Variants in TBC1D5 observed in about 807,000 individuals in gnomAD.
The protein encoded by TBC1D5 is TBC1 domain family member 5.
TBC1D5 carries 75 observed loss-of-function variants against 100.3 expected under a neutral mutation model. The observed-to-expected ratio is 0.75, with a 90% CI of 0.62 to 0.91. The LOEUF is 0.91. Among genes scored for constraint, TBC1D5 ranks in the 40% least tolerant of loss-of-function variants. The pLI, the probability that TBC1D5 is intolerant of heterozygous loss-of-function variation, is 0.00. For synonymous variants in TBC1D5, 323 were observed against 325.6 expected (o/e 0.99, Z 0.09); for missense variants, 910 against 942.4 (o/e 0.97, Z 0.45).
At chr3:17,409,209 T>A (rs532353642) in intron 4 of TBC1D5, among the ~76,000 whole-genome samples, 1 of 152,332 alleles carries the variant, frequency 6.6e-6, no homozygotes, top group South Asian at 2.1e-4. Flanking sequence ...CATATTTTGA[T>A]AATCTTCACA....
At chr3:17,215,688 G>A (rs1166001266) in intron 17 of TBC1D5, among the ~76,000 whole-genome samples, 2 of 152,048 alleles carry the variant, frequency 1.3e-5, no homozygotes, top group Non-Finnish European at 2.9e-5. Flanking sequence ...AAAGGATTTA[G>A]GACCACAGAT....
At chr3:17,680,962 C>A (rs955447605) in intron 1 of TBC1D5, among the ~76,000 whole-genome samples, 1 of 151,446 alleles carries the variant, frequency 6.6e-6, no homozygotes, top group Non-Finnish European at 1.5e-5. Flanking sequence ...ACCTTGATTG[C>A]TCTACTAAAA....
intron 5 of TBC1D5, 83 bp from the exon 6 acceptor site, chr3:17,405,044 T>C (rs937376487): frequency 8.6e-5 from 61 of 712,002 alleles, no homozygotes; most frequent in Non-Finnish European, 1.2e-4. Context: ...CACCTGAACA[T>C]TGAAAGACAT....
chr3:17,262,399 T>C (rs1183380975), intron 15 of TBC1D5, among the ~76,000 whole-genome samples: 1 of 152,156 alleles, frequency 6.6e-6, no homozygotes, highest in African/African-American at 2.4e-5. Flanking sequence ...CCAAATGTCA[T>C]TATGCAGTAC....
chr3:17,406,533 G>C lies in TBC1D5; in HGVS notation c.168-7C>G, dbSNP rs1245458081. On this transcript the variant is annotated splice_polypyrimidine_tract_variant and splice_region_variant and intron_variant, in intron 4 of 21. Transcript: ENST00000253692. ...TAGTTCTTCCCATTCTTTCCTATAT[G>C]AAAGAAACCAAAGCATGAGAATCCT... 6.2e-7 allele frequency: 1 copy of C among 1,605,868 alleles called. No individual in the cohort carries two copies. The highest frequency in any genetic ancestry group is 8.5e-7 in the Non-Finnish European group (1 of 1,175,404).
intron 4 of TBC1D5, among the ~76,000 whole-genome samples, chr3:17,411,104 A>G (rs2093911435): frequency 6.6e-6 from 1 of 152,094 alleles, no homozygotes. Context: ...CCCAACCTTC[A>G]GCAACCACCA....
At chr3:17,548,647 G>A (rs992574486) in intron 2 of TBC1D5, among the ~76,000 whole-genome samples, 4 of 152,094 alleles carry the variant, frequency 2.6e-5, no homozygotes, top group Non-Finnish European at 5.9e-5. Context: ...AAACATGGTA[G>A]GGAAAAGAGT....
chr3:17,211,147 T>C (rs912306122), intron 18 of TBC1D5, among the ~76,000 whole-genome samples: 1 of 152,336 alleles, frequency 6.6e-6, no homozygotes, highest in East Asian at 1.9e-4. Flanking sequence ...TCATATAAAA[T>C]AGTATGAACT....
chr3:17,442,966 A>C (rs2094700118), intron 3 of TBC1D5, among the ~76,000 whole-genome samples: 1 of 152,130 alleles, frequency 6.6e-6, no homozygotes, highest in Non-Finnish European at 1.5e-5. Context: ...AGGAAAGGGA[A>C]GAGAGGAAGG....
At chr3:17,160,780 C>T in exon 22 of TBC1D5, 4 of 767,326 alleles carry the variant, frequency 5.2e-6, no homozygotes, top group Non-Finnish European at 6.1e-6. Context: ...CAAACCTAAG[C>T]CTCTGTGCTT....
At chr3:17,613,717 A>T (rs1337850576) in intron 2 of TBC1D5, among the ~76,000 whole-genome samples, 1 of 152,074 alleles carries the variant, frequency 6.6e-6, no homozygotes, top group Admixed American at 6.6e-5. Flanking sequence ...TCCTTTGCCC[A>T]CTTTTTGATT....
At chr3:17,373,397 T>A (rs17043518) in intron 12 of TBC1D5, among the ~76,000 whole-genome samples, 13,713 of 152,210 alleles carry the variant, frequency 0.09, 1,429 homozygotes, top group African/African-American at 0.26. Flanking sequence ...CAGTATCCAT[T>A]GCCAGAAGAA....
chr3:17,485,026 A>G (rs929371141), intron 3 of TBC1D5, among the ~76,000 whole-genome samples: 3 of 152,148 alleles, frequency 2.0e-5, no homozygotes, highest in Admixed American at 2.0e-4. Flanking sequence ...TAAGATGAAA[A>G]TTATATTAGA....
intron 17 of TBC1D5, among the ~76,000 whole-genome samples, chr3:17,225,484 C>A (rs1344160715): frequency 6.9e-6 from 1 of 145,390 alleles, no homozygotes. Context: ...CCAAACAGTA[C>A]AACACAAATA....
At chr3:17,500,199 A>C (rs2095767713) in intron 3 of TBC1D5, among the ~76,000 whole-genome samples, 1 of 149,560 alleles carries the variant, frequency 6.7e-6, no homozygotes, top group African/African-American at 2.5e-5. Flanking sequence ...GAGAATTGCT[A>C]CATCAATGGA....
intron 15 of TBC1D5, among the ~76,000 whole-genome samples, chr3:17,274,119 T>C (rs2079729200): frequency 6.6e-6 from 1 of 151,702 alleles, no homozygotes; most frequent in African/African-American, 2.4e-5. Context: ...TCAAAAGGAA[T>C]AGTTGGTAAA....
intron 3 of TBC1D5, among the ~76,000 whole-genome samples, chr3:17,428,859 A>G (rs1433474831): frequency 6.6e-6 from 1 of 151,996 alleles, no homozygotes; most frequent in East Asian, 1.9e-4. Flanking sequence ...GTTAATGACT[A>G]AGTCACCCAT....
chr3:17,494,905 GCTCAT>G (rs2095686568), intron 3 of TBC1D5, among the ~76,000 whole-genome samples: 1 of 152,184 alleles, frequency 6.6e-6, no homozygotes, highest in Non-Finnish European at 1.5e-5. Context: ...GGTGGCATGG[GCTCAT>G]GAGGGGATAC....
chr3:17,388,509 T>A (rs2093241999), intron 8 of TBC1D5, among the ~76,000 whole-genome samples: 1 of 151,938 alleles, frequency 6.6e-6, no homozygotes, highest in Non-Finnish European at 1.5e-5. Context: ...TCATTATATC[T>A]GTAAATACTG....
Sources: allele counts gnomAD v4.1 joint callset (sites outside exome capture counted in the v4.1 genomes callset), GRCh38; gene constraint gnomAD v4.1.1; transcripts MANE v1.5; gene names NCBI Gene and HGNC (gene_info 2026-07-23, HGNC 2026-07-21).